The following ULK4 variants were observed in gnomAD, a reference collection of about 807,000 sequenced individuals.
The protein encoded by ULK4 is unc-51 like kinase 4, also known as inactive serine/threonine-protein kinase ULK4.
A neutral mutation model predicts 160.6 loss-of-function variants in ULK4; 133 were observed. The ratio of observed to expected loss-of-function variants is 0.83; its 90% CI spans 0.72 to 0.96. The LOEUF is 0.96. ULK4 is among the 40% of genes least tolerant of loss of function. The pLI, the probability that ULK4 is intolerant of heterozygous loss-of-function variation, is 0.00. For missense variants in ULK4, 1,580 were observed against 1,499.5 expected, an observed-to-expected ratio of 1.05 and a Z score of -0.89; for synonymous variants, 534 against 539.8, an observed-to-expected ratio of 0.99 and a Z score of 0.15.
chr3:41,513,978 AT>A (rs1404622515), intron 32 of ULK4, among the ~76,000 whole-genome samples: 10 of 152,248 alleles, frequency 6.6e-5, no homozygotes, highest in Non-Finnish European at 1.0e-4. Flanking sequence ...ATTTAAAAAA[AT>A]AAATACTAAG....
At chr3:41,893,611 T>A (rs963930730) in intron 16 of ULK4, among the ~76,000 whole-genome samples, 2 of 151,372 alleles carry the variant, frequency 1.3e-5, no homozygotes, top group African/African-American at 4.8e-5. Flanking sequence ...TTCTCAAAAA[T>A]GTTCATCAAA....
chr3:41,569,311 A>C (rs986590422), intron 31 of ULK4, among the ~76,000 whole-genome samples: 1 of 152,078 alleles, frequency 6.6e-6, no homozygotes, highest in African/African-American at 2.4e-5. Flanking sequence ...CAGCCCTCTA[A>C]TGTTGCCTTG....
At chr3:41,844,695 G>A (rs186542592) in intron 17 of ULK4, among the ~76,000 whole-genome samples, 19 of 152,202 alleles carry the variant, frequency 1.2e-4, no homozygotes, top group Middle Eastern at 3.4e-3. Flanking sequence ...AGCGAGCGAG[G>A]GCTGTGAGGG....
rs1376031078 is a variant in ULK4 at position 41,603,314 on chromosome 3, ACAAG to A, written c.3120+12351_3120+12354del. Among the ~76,000 whole-genome samples, 3 of 152,156 alleles carry A rather than the reference ACAAG, an allele frequency of 2.0e-5. No individual in the cohort carries two copies. The East Asian group carries it at 5.8e-4, about 29-fold the overall frequency. ...CATAACAATTCTAAATATGTATGAA[ACAAG>A]CAACAAAGGTGTAAAACACTGAAGT... On this transcript the variant is annotated intron_variant, in intron 31 of 36. Transcript: ENST00000301831.
intron 22 of ULK4, among the ~76,000 whole-genome samples, chr3:41,718,887 C>T (rs188825233): frequency 7.2e-4 from 109 of 152,328 alleles, no homozygotes; most frequent in Non-Finnish European, 1.6e-4. Flanking sequence ...TGCACCCCAT[C>T]ACGTGAGGAT....
intron 30 of ULK4, among the ~76,000 whole-genome samples, chr3:41,658,737 A>ACACACACACACACACACACTCT (rs1553628733): frequency 6.6e-6 from 1 of 151,062 alleles, no homozygotes; most frequent in South Asian, 2.1e-4. Flanking sequence ...GTACACACAC[A>ACACACACACACACACACACTCT]CACACACACA....
intron 32 of ULK4, among the ~76,000 whole-genome samples, chr3:41,481,819 T>G (rs1575285875): frequency 1.9e-5 from 2 of 107,364 alleles, no homozygotes; most frequent in Admixed American, 1.1e-4. Context: ...AGAGCGAGAC[T>G]CCGTCTCAAA....
chr3:41,856,536 TGTATATATATATGTGTATATATATACAC>T (rs1559610899), intron 17 of ULK4, among the ~76,000 whole-genome samples: 7 of 97,610 alleles, frequency 7.2e-5, no homozygotes, highest in African/African-American at 3.2e-4. Flanking sequence ...TATATATGTA[TGTATATATATATGTGTATATATATACAC>T]ATATATATAT....
At position 41,780,363 on chromosome 3, in the gene ULK4, A is replaced by T. The variant is rs2039795223; in HGVS notation, c.2193+9298T>A. Among the ~76,000 whole-genome samples the T allele has an allele frequency of 1.3e-5, 2 of 151,070 alleles. 1 individual carries two copies. The highest frequency in any genetic ancestry group is 4.1e-4 in the South Asian group (2 of 4,820). ...TGCTATCTTTTATCTTTTATATTAAAATATAAAAATTTATATTAAAAATAT... is the reference window on the plus strand; with the variant it reads ...TGCTATCTTTTATCTTTTATATTAATATATAAAAATTTATATTAAAAATAT... On this transcript the variant is annotated intron_variant, in intron 21 of 36. Transcript: ENST00000301831.
intron 18 of ULK4, 86 bp from the exon 19 acceptor site, chr3:41,819,592 T>C (rs1255935806): frequency 8.9e-7 from 1 of 1,120,896 alleles, no homozygotes; most frequent in Non-Finnish European, 1.3e-6. Context: ...CAGCTCCAAG[T>C]ATACAAACTA....
intron 35 of ULK4, among the ~76,000 whole-genome samples, chr3:41,342,189 A>G (rs1360492543): frequency 6.6e-6 from 1 of 152,172 alleles, no homozygotes; most frequent in East Asian, 1.9e-4. Flanking sequence ...CTTGTCTATG[A>G]GTTTTCATGC....
intron 35 of ULK4, among the ~76,000 whole-genome samples, chr3:41,347,353 C>G (rs1470319585): frequency 6.6e-6 from 1 of 152,112 alleles, no homozygotes; most frequent in African/African-American, 2.4e-5. Flanking sequence ...AAATTAACTT[C>G]ATAGTCTAAA....
chr3:41,375,539 C>T (rs2081470144), intron 35 of ULK4, among the ~76,000 whole-genome samples: 1 of 150,290 alleles, frequency 6.7e-6, no homozygotes, highest in Admixed American at 6.6e-5. Flanking sequence ...AAACGATTCC[C>T]TATTTAATAA....
intron 22 of ULK4, among the ~76,000 whole-genome samples, chr3:41,753,151 C>T (rs539269973): frequency 6.6e-6 from 1 of 152,204 alleles, no homozygotes; most frequent in African/African-American, 2.4e-5. Context: ...GTGTGGGGAT[C>T]GAGGCTCCAG....
intron 31 of ULK4, among the ~76,000 whole-genome samples, chr3:41,574,528 C>CTTTTTTTTT (rs1559406622): frequency 9.4e-6 from 1 of 106,286 alleles, no homozygotes; most frequent in Non-Finnish European, 1.9e-5. Context: ...CTACCAGAGT[C>CTTTTTTTTT]CTCTTTTTTT....
intron 35 of ULK4, among the ~76,000 whole-genome samples, chr3:41,250,044 A>G (rs1006212626): frequency 5.3e-5 from 8 of 152,216 alleles, no homozygotes; most frequent in Admixed American, 1.3e-4. Flanking sequence ...GGAGAGAGGC[A>G]TTAATAACTA....
chr3:41,763,387 T>C (rs1273194973), intron 21 of ULK4, among the ~76,000 whole-genome samples: 1 of 151,610 alleles, frequency 6.6e-6, no homozygotes, highest in East Asian at 1.9e-4. Context: ...CTTTGAAAAA[T>C]ATGAACAAAA....
At chr3:41,592,276 C>T (rs563416910) in intron 31 of ULK4, among the ~76,000 whole-genome samples, 1 of 151,002 alleles carries the variant, frequency 6.6e-6, no homozygotes, top group Non-Finnish European at 1.5e-5. Context: ...TTTAGAGAGC[C>T]GAGTGAAATA....
intron 31 of ULK4, among the ~76,000 whole-genome samples, chr3:41,592,622 C>A (rs1553616950): frequency 6.6e-6 from 1 of 152,150 alleles, no homozygotes; most frequent in Non-Finnish European, 1.5e-5. Context: ...ATTAAAAACT[C>A]TTATCAGTTA....
Sources: gnomAD v4.1 joint callset for allele counts (sites outside exome capture counted in the v4.1 genomes callset) on GRCh38, gnomAD v4.1.1 for gene constraint, MANE v1.5 for transcripts, NCBI Gene and HGNC (gene_info 2026-07-23, HGNC 2026-07-21) for gene names.